Variants in ENTREP2 observed in about 807,000 individuals in gnomAD.
The protein encoded by ENTREP2 is endosomal transmembrane epsin interactor 2.
chr15:29,347,841 A>C, the ENTREP2 span, among the ~76,000 whole-genome samples: 1 of 152,228 alleles, frequency 6.6e-6, no homozygotes, highest in African/African-American at 2.4e-5. Context: ...GGATCAAGGC[A>C]TGTAGACACG....
chr15:29,247,910 G>C, the ENTREP2 span, among the ~76,000 whole-genome samples: 2 of 152,180 alleles, frequency 1.3e-5, no homozygotes, highest in Non-Finnish European at 2.9e-5. Context: ...CTGCACCCTG[G>C]CAAGTTCAGG....
At chr15:29,653,465 C>T in the ENTREP2 span, among the ~76,000 whole-genome samples, 1 of 152,184 alleles carries the variant, frequency 6.6e-6, no homozygotes, top group South Asian at 2.1e-4. Flanking sequence ...CCCCACACAT[C>T]AAGGGAGAGA....
chr15:29,620,549 G>T, the ENTREP2 span, among the ~76,000 whole-genome samples: 1 of 152,000 alleles, frequency 6.6e-6, no homozygotes, highest in Non-Finnish European at 1.5e-5. Flanking sequence ...GAGGCAGGAG[G>T]ATCATTTGAG....
chr15:29,621,498 G>C, the ENTREP2 span, among the ~76,000 whole-genome samples: 199 of 135,944 alleles, frequency 1.5e-3, no homozygotes, highest in Non-Finnish European at 2.5e-3. Context: ...ACTCCAGCCT[G>C]GGTGACAGAG....
At chr15:29,255,557 T>C in the ENTREP2 span, among the ~76,000 whole-genome samples, 2 of 151,836 alleles carry the variant, frequency 1.3e-5, no homozygotes, top group Non-Finnish European at 2.9e-5. Context: ...TGCCAAAAAA[T>C]AAAAAACCCC....
At chr15:29,593,991 A>G in the ENTREP2 span, among the ~76,000 whole-genome samples, 2 of 152,232 alleles carry the variant, frequency 1.3e-5, no homozygotes, top group African/African-American at 4.8e-5. Context: ...ATATTGTACT[A>G]TAGTTATACA....
At chr15:29,287,398 GAAAA>G in the ENTREP2 span, among the ~76,000 whole-genome samples, 2 of 124,146 alleles carry the variant, frequency 1.6e-5, no homozygotes, top group Admixed American at 8.9e-5. Context: ...AAAAAAAAAA[GAAAA>G]AAAAAAAAAG....
the ENTREP2 span, among the ~76,000 whole-genome samples, chr15:29,593,015 A>C: frequency 3.3e-5 from 5 of 151,894 alleles, no homozygotes; most frequent in Admixed American, 3.3e-4. Flanking sequence ...CGAATAATAA[A>C]CCTCTTTTCT....
chr15:29,352,430 T>C, the ENTREP2 span, among the ~76,000 whole-genome samples: 6 of 152,236 alleles, frequency 3.9e-5, no homozygotes, highest in South Asian at 4.1e-4. Context: ...GGAAGTTTTA[T>C]TGTTTTTGAC....
the ENTREP2 span, among the ~76,000 whole-genome samples, chr15:29,462,246 C>T: frequency 6.6e-6 from 1 of 152,114 alleles, no homozygotes; most frequent in African/African-American, 2.4e-5. Flanking sequence ...CTCTGCTTTC[C>T]ATCCTTTGAG....
chr15:29,623,859 C>A, the ENTREP2 span, among the ~76,000 whole-genome samples: 1 of 152,110 alleles, frequency 6.6e-6, no homozygotes, highest in Admixed American at 6.5e-5. Flanking sequence ...CCTCAGCCTC[C>A]CAAGTAGCTG....
the ENTREP2 span, among the ~76,000 whole-genome samples, chr15:29,398,385 T>C: frequency 1.3e-5 from 2 of 152,066 alleles, no homozygotes; most frequent in African/African-American, 4.8e-5. Context: ...AGTAGATGCA[T>C]GGAAGACGTC....
the ENTREP2 span, among the ~76,000 whole-genome samples, chr15:29,258,605 C>G: frequency 6.6e-6 from 1 of 151,814 alleles, no homozygotes; most frequent in African/African-American, 2.4e-5. Flanking sequence ...TACCTTTATT[C>G]CCATTTTTAT....
the ENTREP2 span, among the ~76,000 whole-genome samples, chr15:29,572,425 C>T: frequency 6.6e-6 from 1 of 152,198 alleles, no homozygotes; most frequent in Non-Finnish European, 1.5e-5. Context: ...CAAGGCATGA[C>T]CCTGGACTGG....
At chr15:29,420,270 GT>G in the ENTREP2 span, among the ~76,000 whole-genome samples, 1 of 152,182 alleles carries the variant, frequency 6.6e-6, no homozygotes, top group African/African-American at 2.4e-5. Context: ...TTCTTAAAAG[GT>G]TATGTGGGAG....
chr15:29,296,385 G>A, the ENTREP2 span, among the ~76,000 whole-genome samples: 3 of 152,026 alleles, frequency 2.0e-5, no homozygotes, highest in African/African-American at 7.2e-5. Context: ...ATCTACAGAA[G>A]GGCAAATGTA....
the ENTREP2 span, among the ~76,000 whole-genome samples, chr15:29,290,888 C>T: frequency 6.6e-6 from 1 of 152,214 alleles, no homozygotes; most frequent in Non-Finnish European, 1.5e-5. Context: ...GGAGATGCGG[C>T]CTCATCTCTT....
chr15:29,480,248 T>C, the ENTREP2 span, among the ~76,000 whole-genome samples: 1 of 150,252 alleles, frequency 6.7e-6, no homozygotes, highest in South Asian at 2.1e-4. Flanking sequence ...TGCATTTCTT[T>C]TGAAGCTACA....
chr15:29,543,421 C>T, the ENTREP2 span, among the ~76,000 whole-genome samples: 2 of 152,254 alleles, frequency 1.3e-5, no homozygotes, highest in Admixed American at 6.5e-5. Context: ...GAAAGAATGT[C>T]ATGTTTGATG....
Sources: allele counts gnomAD v4.1 joint callset (sites outside exome capture counted in the v4.1 genomes callset), GRCh38; gene constraint gnomAD v4.1.1; transcripts MANE v1.5; gene names NCBI Gene and HGNC (gene_info 2026-07-23, HGNC 2026-07-21).